Variants in PACS2 observed in about 807,000 individuals in gnomAD.
PACS2 encodes PACS1-like protein.
In PACS2, 36 loss-of-function variants were observed where a neutral mutation model predicts 113.0. The observed-to-expected ratio is 0.32, with a 90% CI of 0.24 to 0.42. The LOEUF is 0.42. PACS2 is among the 10% of genes least tolerant of loss of function. The pLI, the probability that PACS2 is intolerant of heterozygous loss-of-function variation, is 1.00. For missense variants in PACS2, 1,015 were observed against 1,239.5 expected, an observed-to-expected ratio of 0.82 and a Z score of 2.72; for synonymous variants, 589 against 536.1, an observed-to-expected ratio of 1.10 and a Z score of -1.36.
intron 1 of PACS2, among the ~76,000 whole-genome samples, chr14:105,319,505 G>C (rs1441549928): frequency 2.0e-5 from 3 of 152,154 alleles, no homozygotes; most frequent in South Asian, 2.1e-4. Flanking sequence ...TATTATGTTT[G>C]TTGCTAACAT....
intron 1 of PACS2, among the ~76,000 whole-genome samples, chr14:105,326,560 C>A (rs748638674): frequency 6.6e-6 from 1 of 152,214 alleles, no homozygotes; most frequent in African/African-American, 2.4e-5. Context: ...CTAGAAGGTG[C>A]TCCGTGGTGG....
intron 8 of PACS2, among the ~76,000 whole-genome samples, chr14:105,373,262 G>A (rs1555409729): frequency 6.6e-6 from 1 of 152,208 alleles, no homozygotes; most frequent in African/African-American, 2.4e-5. Context: ...GAGACTCAGG[G>A]CAGACAGAAC....
At position 105,383,500 on chromosome 14, in the gene PACS2, G is replaced by C. The variant is rs587762054; in HGVS notation, c.1767G>C (p.Leu589=). Residue 589 remains leucine (L), a synonymous_variant, in exon 16 of 25, where the codon CTG becomes CTC. Transcript: ENST00000447393. ...ACTGGCTCGGCTACATGCGCTTCCT[G>C]GTCATCCCACTGGGTGAGCACCACG... is the stretch of plus-strand genomic sequence containing the variant. The part of the protein sequence containing the change: ...TPDWLGYMRF[L]VIPLGSHPVA... The C allele has an allele frequency of 1.9e-6, 3 of 1,597,224 alleles. No homozygotes were observed. Among genetic ancestry groups the C allele is most frequent in the African/African-American group, 1.3e-5 (1 of 74,860 alleles).
At chr14:105,313,356 T>C (rs1410630221), upstream of PACS2, among the ~76,000 whole-genome samples, 4 of 152,128 alleles carry the variant, frequency 2.6e-5, no homozygotes, top group Non-Finnish European at 4.4e-5. Flanking sequence ...CTACCCTGTC[T>C]CAAAGGTATG....
chr14:105,362,544 A>AT (rs1357056438), intron 4 of PACS2, among the ~76,000 whole-genome samples: 7 of 151,728 alleles, frequency 4.6e-5, no homozygotes, highest in East Asian at 1.9e-4. Flanking sequence ...AATGAAATAC[A>AT]TTTTTTTTAA....
At chr14:105,322,375 T>A (rs1353357618) in intron 1 of PACS2, among the ~76,000 whole-genome samples, 1 of 152,130 alleles carries the variant, frequency 6.6e-6, no homozygotes, top group African/African-American at 2.4e-5. Context: ...GTGATTCTTG[T>A]GCCTCAGCCT....
Position 105,380,130 on chromosome 14 carries a change from C to T in PACS2, c.1101C>T (p.Asp367=). The change falls in exon 11 of 25, where the codon GAC becomes GAT. Residue 367 remains aspartate (D), a synonymous_variant. Transcript: ENST00000447393. ...TRSLGGRQPS[D]SVSDTVALGV... ...CCCTGGGAGGCAGGCAGCCGAGCGA[C>T]AGTGTCTCTGACACGGTGGCCCTCG... 2 of 1,552,756 alleles carry T rather than the reference C, an allele frequency of 1.3e-6. No homozygotes were observed. The highest frequency in any genetic ancestry group is 1.2e-5 in the South Asian group (1 of 84,156).
At position 105,362,214 on chromosome 14, in the gene PACS2, C is replaced by T. The variant is rs587653403; in HGVS notation, c.424-4999C>T. Among the ~76,000 whole-genome samples the T allele has an allele frequency of 3.8e-3, 569 of 151,122 alleles. 3 individuals are homozygous for T. Among genetic ancestry groups the T allele is most frequent in the African/African-American group, 9.5e-3 (390 of 40,990 alleles). Reference sequence around the variant, plus strand: ...TGGGCGGATCACGAGGTCAGGAGATCAAGACCATCCTGGCTAACACAGTGA... The same window carrying T: ...TGGGCGGATCACGAGGTCAGGAGATTAAGACCATCCTGGCTAACACAGTGA... On this transcript the variant is annotated intron_variant, in intron 4 of 24. Transcript: ENST00000447393.
intron 24 of PACS2, chr14:105,394,260 G>A (rs1037155578): frequency 6.1e-6 from 6 of 985,168 alleles, no homozygotes; most frequent in Non-Finnish European, 7.2e-6. Context: ...AGCGCCTGGC[G>A]GAAGGTGGTG....
At chr14:105,326,228 G>A (rs1310853883) in intron 1 of PACS2, among the ~76,000 whole-genome samples, 3 of 152,174 alleles carry the variant, frequency 2.0e-5, no homozygotes, top group Non-Finnish European at 4.4e-5. Context: ...GGGCTCCCCC[G>A]CAGCAGTGGA....
intron 4 of PACS2, among the ~76,000 whole-genome samples, chr14:105,364,395 G>A (rs1335959534): frequency 2.3e-5 from 3 of 129,534 alleles, no homozygotes; most frequent in Non-Finnish European, 4.7e-5. Context: ...GCGGTGGGCG[G>A]TGTCCCGGGT....
At chr14:105,332,436 G>A (rs1272758153) in intron 1 of PACS2, among the ~76,000 whole-genome samples, 1 of 152,236 alleles carries the variant, frequency 6.6e-6, no homozygotes, top group Non-Finnish European at 1.5e-5. Context: ...GCTGTGTTCA[G>A]GGTGTGCCTG....
In PACS2 at chr14:105,324,488, C is replaced by T. The variant is rs587761236; in HGVS notation, c.119+9451C>T. Among the ~76,000 whole-genome samples the T allele has an allele frequency of 4.2e-4, 64 of 152,310 alleles. No homozygotes were observed. The highest frequency in any genetic ancestry group is 1.3e-3 in the African/African-American group (53 of 41,560). ...CCTGAGGCCTGTGAGCTGCTGGCCC[C>T]GCAGGGTGGCTGGGCCTGGCTGGCT... On this transcript the variant is annotated intron_variant, in intron 1 of 24. Coordinates refer to ENST00000447393, the MANE Select transcript of PACS2 (RefSeq NM_001100913.3). The surrounding 1 kb of genome is among the most constrained non-coding windows in gnomAD (Gnocchi z 4.7).
intron 1 of PACS2, among the ~76,000 whole-genome samples, chr14:105,320,874 C>T (rs775909827): frequency 2.2e-4 from 33 of 152,152 alleles, no homozygotes; most frequent in Admixed American, 5.2e-4. Context: ...CCTGACTGGC[C>T]GGGCCTGGTG....
rs1555407653 is a variant in PACS2 at position 105,365,177 on chromosome 14, CAG to C, written c.424-2035_424-2034del. Among the ~76,000 whole-genome samples the C allele has an allele frequency of 2.0e-5, 3 of 152,172 alleles. No individual in the cohort carries two copies. Among genetic ancestry groups the C allele is most frequent in the African/African-American group, 7.2e-5 (3 of 41,438 alleles). On this transcript the variant is annotated intron_variant, in intron 4 of 24. Transcript: ENST00000447393. The surrounding 1 kb of genome is among the most constrained non-coding windows in gnomAD (Gnocchi z 5.1). Reference sequence around the variant, plus strand: ...CTGGACTAACCCGGGAGGGTGGTCTCAGGGTCAGCAGGGGCAGGAGTGGGAAT... The same window carrying C: ...CTGGACTAACCCGGGAGGGTGGTCTCGGTCAGCAGGGGCAGGAGTGGGAAT...
chr14:105,319,892 G>A (rs759456691), intron 1 of PACS2, among the ~76,000 whole-genome samples: 2 of 152,182 alleles, frequency 1.3e-5, no homozygotes, highest in Non-Finnish European at 2.9e-5. Context: ...AGTGGATGTT[G>A]AATATAATCA....
rs1312101702 is a variant in PACS2 at position 105,340,582 on chromosome 14, G to GATTC, written c.120-7911_120-7910insATTC. Among the ~76,000 whole-genome samples, 2 of 152,192 alleles carry GATTC rather than the reference G, an allele frequency of 1.3e-5. No homozygotes were observed. The highest frequency in any genetic ancestry group is 2.9e-5 in the Non-Finnish European group (2 of 68,040). On this transcript the variant is annotated intron_variant, in intron 1 of 24. Coordinates refer to ENST00000447393, the MANE Select transcript of PACS2 (RefSeq NM_001100913.3). This position sits in a 1 kb window ranked among gnomAD's most constrained non-coding sequence, Gnocchi z 4.2. Reference sequence around the variant, plus strand: ...ATAGGGTTCTTCCGGAGCTCAGGTGGGAATGCTCACTCCCTGGTGCTCATC... The same window carrying GATTC: ...ATAGGGTTCTTCCGGAGCTCAGGTGGATTCGAATGCTCACTCCCTGGTGCTCATC...
chr14:105,350,167 T>C (rs1218252195), intron 2 of PACS2, among the ~76,000 whole-genome samples: 1 of 152,040 alleles, frequency 6.6e-6, no homozygotes, highest in Non-Finnish European at 1.5e-5. Context: ...CTGCGGGTCG[T>C]CCCTGGGGAA....
At chr14:105,383,634 G>A (rs587738792) in intron 16 of PACS2, 121 bp downstream of exon 16, 3 of 827,170 alleles carry the variant, frequency 3.6e-6, no homozygotes, top group Non-Finnish European at 5.5e-6. Flanking sequence ...GTGTGTCGTG[G>A]TGTGGCGCGG....
Sources: allele counts gnomAD v4.1 joint callset (sites outside exome capture counted in the v4.1 genomes callset), GRCh38; gene constraint gnomAD v4.1.1; non-coding constraint Gnocchi (gnomAD v3.1); transcripts MANE v1.5; gene names NCBI Gene and HGNC (gene_info 2026-07-23, HGNC 2026-07-21).